Variants in XYLT1 observed in about 807,000 individuals in gnomAD.
The protein encoded by XYLT1 is beta-D-xylosyltransferase 1.
A neutral mutation model predicts 91.3 loss-of-function variants in XYLT1; 36 were observed. That is an observed-to-expected ratio of 0.39 (90% CI 0.30 to 0.52). XYLT1 has a LOEUF of 0.52. Among genes scored for constraint, XYLT1 ranks in the 20% least tolerant of loss-of-function variants. XYLT1 has a pLI of 0.68. For missense variants in XYLT1, 1,242 were observed against 1,284.5 expected, an observed-to-expected ratio of 0.97 and a Z score of 0.51; for synonymous variants, 588 against 532.0, an observed-to-expected ratio of 1.11 and a Z score of -1.45.
At chr16:17,246,656 G>A (rs2033439578) in intron 3 of XYLT1, among the ~76,000 whole-genome samples, 3 of 152,118 alleles carry the variant, frequency 2.0e-5, no homozygotes, top group Middle Eastern at 3.2e-3. Context: ...TGCAGGAGTC[G>A]CGATGAGATC....
At chr16:17,119,136 C>T (rs1337950956) in intron 10 of XYLT1, among the ~76,000 whole-genome samples, 3 of 152,128 alleles carry the variant, frequency 2.0e-5, no homozygotes, top group Non-Finnish European at 4.4e-5. Flanking sequence ...AGGGGTTTTA[C>T]CTGGCTGGTT....
At chr16:17,290,390 C>A (rs1291114771) in intron 2 of XYLT1, among the ~76,000 whole-genome samples, 2 of 152,254 alleles carry the variant, frequency 1.3e-5, no homozygotes, top group Non-Finnish European at 2.9e-5. Flanking sequence ...CCAAGAACCA[C>A]CAACCTCAGT....
rs968140795 is a variant in XYLT1 at position 17,470,374 on chromosome 16, G to A, written c.363+60C>T. On this transcript the variant is annotated intron_variant, in intron 1 of 11. Coordinates refer to ENST00000261381, the MANE Select transcript of XYLT1 (RefSeq NM_022166.4). ...CCGAGTTCAAGGGCTAGGGGGGCGTGGGGTCGGGCTGCCTTCCTCCCTCCC... is the reference window on the plus strand; with the variant it reads ...CCGAGTTCAAGGGCTAGGGGGGCGTAGGGTCGGGCTGCCTTCCTCCCTCCC... 36 of 1,211,728 alleles carry A rather than the reference G, an allele frequency of 3.0e-5. No homozygotes were observed. In the African/African-American group the frequency reaches 5.0e-4, roughly 17 times the overall value. 75.1% of individuals were successfully genotyped at this position (1,211,728 alleles called of 1,614,324 possible). A position where few individuals can be genotyped will look rare whatever the true frequency, so the allele number is the denominator to read the frequency against.
intron 2 of XYLT1, among the ~76,000 whole-genome samples, chr16:17,332,776 T>A (rs1357876919): frequency 6.6e-6 from 1 of 152,098 alleles, no homozygotes; most frequent in Non-Finnish European, 1.5e-5. Context: ...AACCTCAAGT[T>A]CATTCCTAGA....
Position 17,168,872 on chromosome 16 carries a change from G to A in XYLT1, c.1290-9963C>T, listed in dbSNP as rs1464597464. On this transcript the variant is annotated intron_variant, in intron 5 of 11. Coordinates refer to ENST00000261381, the MANE Select transcript of XYLT1 (RefSeq NM_022166.4). ...CACCCTTTGACTCAGTACCTTCAGC[G>A]GCTCTCCATCATCTGAAGGACAATG... Among the ~76,000 whole-genome samples, 8 of 152,048 alleles carry A rather than the reference G, an allele frequency of 5.3e-5. No homozygotes were observed. The East Asian group carries it at 1.5e-3, about 29-fold the overall frequency.
chr16:17,330,104 TACACACACAC>T (rs35148093), intron 2 of XYLT1, among the ~76,000 whole-genome samples: 4 of 144,476 alleles, frequency 2.8e-5, no homozygotes, highest in African/African-American at 5.2e-5. Flanking sequence ...TGGAGGTAGA[TACACACACAC>T]ACACACACAC....
At chr16:17,210,156 G>A (rs1424849949) in intron 3 of XYLT1, among the ~76,000 whole-genome samples, 1 of 152,162 alleles carries the variant, frequency 6.6e-6, no homozygotes, top group Non-Finnish European at 1.5e-5. Flanking sequence ...AGCCTCCAGA[G>A]TAGCTGGGAC....
At chr16:17,352,090 C>T (rs991073584) in intron 2 of XYLT1, among the ~76,000 whole-genome samples, 1 of 152,146 alleles carries the variant, frequency 6.6e-6, no homozygotes, top group Admixed American at 6.6e-5. Context: ...ACTGCACTTC[C>T]AGCCTGGTTG....
At chr16:17,349,706 T>C (rs1280521705) in intron 2 of XYLT1, among the ~76,000 whole-genome samples, 2 of 150,868 alleles carry the variant, frequency 1.3e-5, no homozygotes, top group Non-Finnish European at 2.9e-5. Context: ...AGTTGTGAAA[T>C]GCAAATGAGC....
intron 11 of XYLT1, among the ~76,000 whole-genome samples, chr16:17,111,936 A>G (rs1235584591): frequency 6.6e-6 from 1 of 152,190 alleles, no homozygotes; most frequent in East Asian, 1.9e-4. Flanking sequence ...ACCTGCCAGG[A>G]GAACAGAGCC....
intron 5 of XYLT1, among the ~76,000 whole-genome samples, chr16:17,166,929 T>G (rs2031699541): frequency 6.6e-6 from 1 of 152,012 alleles, no homozygotes; most frequent in Middle Eastern, 3.2e-3. Flanking sequence ...AATCCCAGAG[T>G]CAGGGTACTC....
intron 5 of XYLT1, among the ~76,000 whole-genome samples, chr16:17,194,408 C>T (rs1038156051): frequency 6.6e-6 from 1 of 152,222 alleles, no homozygotes; most frequent in Non-Finnish European, 1.5e-5. Context: ...CGCATGCCTA[C>T]CTGGCCTCAA....
chr16:17,290,871 G>A (rs532355763), intron 2 of XYLT1, among the ~76,000 whole-genome samples: 1 of 152,194 alleles, frequency 6.6e-6, no homozygotes, highest in African/African-American at 2.4e-5. Context: ...GTCCTGGGGT[G>A]GATCAACACC....
intron 3 of XYLT1, among the ~76,000 whole-genome samples, chr16:17,224,879 G>A (rs1027749363): frequency 4.6e-5 from 7 of 152,114 alleles, no homozygotes; most frequent in African/African-American, 1.7e-4. Flanking sequence ...TGGGCTTTGT[G>A]GGCCATATGG....
At chr16:17,384,914 G>C (rs1187075818) in intron 1 of XYLT1, among the ~76,000 whole-genome samples, 15 of 151,730 alleles carry the variant, frequency 9.9e-5, no homozygotes, top group Non-Finnish European at 2.1e-4. Flanking sequence ...CTGTCATGGA[G>C]AAAGCAAAAA....
At chr16:17,453,906 T>A (rs938355413) in intron 1 of XYLT1, among the ~76,000 whole-genome samples, 1 of 152,230 alleles carries the variant, frequency 6.6e-6, no homozygotes, top group Non-Finnish European at 1.5e-5. Flanking sequence ...CAAAAGCAAC[T>A]AAAGCAGTTG....
At chr16:17,114,360 G>A (rs1966847947) in intron 11 of XYLT1, among the ~76,000 whole-genome samples, 1 of 152,218 alleles carries the variant, frequency 6.6e-6, no homozygotes, top group Non-Finnish European at 1.5e-5. Context: ...GGCAGAAGGG[G>A]GTGGTCTTAT....
rs2035325634 is a variant in XYLT1, at chr16:17,358,005, T to C, written c.402+7A>G. The C allele has an allele frequency of 2.5e-6, 4 of 1,613,606 alleles. No homozygotes were observed. Among genetic ancestry groups the C allele is most frequent in the Non-Finnish European group, 3.4e-6 (4 of 1,179,740 alleles). ...AGATAAGTGGCCAAGACAGGAAAGATACTTACCTGAGTCTCCAGGGTGATG... is the reference window on the plus strand; with the variant it reads ...AGATAAGTGGCCAAGACAGGAAAGACACTTACCTGAGTCTCCAGGGTGATG... On this transcript the variant is annotated splice_region_variant and intron_variant, in intron 2 of 11. Transcript: ENST00000261381.
At chr16:17,470,038 C>A (rs1022385637) in intron 1 of XYLT1, among the ~76,000 whole-genome samples, 1 of 152,094 alleles carries the variant, frequency 6.6e-6, no homozygotes, top group African/African-American at 2.4e-5. Flanking sequence ...CGACAACCGC[C>A]CAGGAACAGC....
Sources: gnomAD v4.1 joint callset for allele counts (sites outside exome capture counted in the v4.1 genomes callset) on GRCh38, gnomAD v4.1.1 for gene constraint, MANE v1.5 for transcripts, NCBI Gene and HGNC (gene_info 2026-07-23, HGNC 2026-07-21) for gene names.